CPA6: variants seen among roughly 807,000 people sequenced by gnomAD.
The protein encoded by CPA6 is carboxypeptidase A6.
A neutral mutation model predicts 63.3 loss-of-function variants in CPA6; 58 were observed. That is an observed-to-expected ratio of 0.92 (90% confidence interval 0.74 to 1.14). The LOEUF is 1.14. Ranked by LOEUF, CPA6 falls within the 50% of genes most tolerant of loss-of-function variation. CPA6 has a pLI of 0.00. For synonymous variants in CPA6, 185 were observed against 179.0 expected, an observed-to-expected ratio of 1.03 and a Z score of -0.27; for missense variants, 565 against 526.6, an observed-to-expected ratio of 1.07 and a Z score of -0.71.
chr8:67,600,311 T>C (rs79690365), intron 2 of CPA6, among the ~76,000 whole-genome samples: 2,323 of 151,238 alleles, frequency 0.015, 62 homozygotes, highest in African/African-American at 0.053. Context: ...TCTAAAAAAG[T>C]TGAATTCATA....
intron 10 of CPA6, among the ~76,000 whole-genome samples, chr8:67,423,821 C>T (rs1428635035): frequency 6.6e-6 from 1 of 152,180 alleles, no homozygotes; most frequent in African/African-American, 2.4e-5. Flanking sequence ...ATCAGGGGTC[C>T]CCAACCCCCA....
intron 8 of CPA6, among the ~76,000 whole-genome samples, chr8:67,441,797 G>A (rs1307590389): frequency 5.9e-5 from 9 of 152,034 alleles, no homozygotes; most frequent in Admixed American, 5.9e-4. Context: ...ACAAGACATG[G>A]TAAGGAAGAA....
intron 2 of CPA6, among the ~76,000 whole-genome samples, chr8:67,528,509 C>G (rs2128968494): frequency 6.6e-6 from 1 of 152,302 alleles, no homozygotes; most frequent in African/African-American, 2.4e-5. Context: ...CCCTAGGACT[C>G]AGATAAGACT....
At chr8:67,510,595 A>G (rs917859153) in intron 4 of CPA6, among the ~76,000 whole-genome samples, 2 of 152,214 alleles carry the variant, frequency 1.3e-5, no homozygotes, top group African/African-American at 4.8e-5. Flanking sequence ...GATAATTTTG[A>G]AAGGAGAGTT....
intron 6 of CPA6, among the ~76,000 whole-genome samples, chr8:67,485,627 C>T (rs1441861336): frequency 1.3e-5 from 2 of 152,052 alleles, no homozygotes; most frequent in Non-Finnish European, 2.9e-5. Flanking sequence ...ACAGTTAGAT[C>T]GAGTTTGGTA....
intron 8 of CPA6, among the ~76,000 whole-genome samples, chr8:67,447,810 A>G (rs528574817): frequency 4.6e-5 from 7 of 152,082 alleles, no homozygotes; most frequent in Admixed American, 1.3e-4. Flanking sequence ...TTTGAGACAG[A>G]GTCTTGCTCT....
intron 1 of CPA6, among the ~76,000 whole-genome samples, chr8:67,657,544 T>A (rs890359642): frequency 9.2e-5 from 14 of 152,300 alleles, no homozygotes; most frequent in African/African-American, 3.4e-4. Context: ...TTGCTAAGGG[T>A]AGGCTCTCTC....
At chr8:67,709,323 A>G (rs2129000047) in intron 1 of CPA6, among the ~76,000 whole-genome samples, 1 of 152,290 alleles carries the variant, frequency 6.6e-6, no homozygotes, top group South Asian at 2.1e-4. Flanking sequence ...TCTCAAATGT[A>G]CTTTACCTCA....
intron 1 of CPA6, among the ~76,000 whole-genome samples, chr8:67,664,229 T>A (rs1477909937): frequency 6.6e-6 from 1 of 152,190 alleles, no homozygotes; most frequent in East Asian, 1.9e-4. Context: ...GGTGAGAGAC[T>A]TTGATTCGAT....
chr8:67,583,730 G>C (rs530611763), intron 2 of CPA6, among the ~76,000 whole-genome samples: 1 of 152,090 alleles, frequency 6.6e-6, no homozygotes, highest in Non-Finnish European at 1.5e-5. Context: ...ATTGTTAGGC[G>C]CTTGAGTTAG....
chr8:67,488,813 C>T (rs1811542287), intron 6 of CPA6, among the ~76,000 whole-genome samples: 1 of 152,150 alleles, frequency 6.6e-6, no homozygotes, highest in Non-Finnish European at 1.5e-5. Flanking sequence ...CTCTTTGTAG[C>T]AATTGTGAAT....
At chr8:67,456,022 T>C (rs1810670546) in intron 8 of CPA6, among the ~76,000 whole-genome samples, 1 of 152,186 alleles carries the variant, frequency 6.6e-6, no homozygotes, top group African/African-American at 2.4e-5. Flanking sequence ...TGCTCAGCCC[T>C]AAGATTCTTT....
At chr8:67,455,059 A>T (rs1203772582) in intron 8 of CPA6, among the ~76,000 whole-genome samples, 1 of 152,194 alleles carries the variant, frequency 6.6e-6, no homozygotes, top group African/African-American at 2.4e-5. Flanking sequence ...AAAAAATACG[A>T]TTTTAATTAA....
At chr8:67,578,926 G>T (rs759082464) in intron 2 of CPA6, among the ~76,000 whole-genome samples, 5 of 152,102 alleles carry the variant, frequency 3.3e-5, no homozygotes, top group Non-Finnish European at 1.5e-5. Context: ...TCAGCCTGTA[G>T]TTTATCAAAT....
chr8:67,716,608 C>T (rs1205889466), intron 1 of CPA6, among the ~76,000 whole-genome samples: 1 of 152,120 alleles, frequency 6.6e-6, no homozygotes, highest in Non-Finnish European at 1.5e-5. Flanking sequence ...AGAAGAATGG[C>T]TTTGATTTCT....
intron 1 of CPA6, among the ~76,000 whole-genome samples, chr8:67,696,964 AC>A (rs767550394): frequency 3.3e-5 from 5 of 152,216 alleles, no homozygotes; most frequent in Non-Finnish European, 7.3e-5. Flanking sequence ...TGAACTGCAT[AC>A]TTGAGTGATT....
intron 2 of CPA6, among the ~76,000 whole-genome samples, chr8:67,622,417 A>T (rs1815103169): frequency 6.6e-6 from 1 of 152,202 alleles, no homozygotes; most frequent in Non-Finnish European, 1.5e-5. Flanking sequence ...CTAGAAGAAA[A>T]GGAGGTTTAG....
intron 2 of CPA6, among the ~76,000 whole-genome samples, chr8:67,611,527 C>A (rs10094690): frequency 1.3e-5 from 2 of 152,114 alleles, no homozygotes; most frequent in African/African-American, 4.8e-5. Flanking sequence ...AGGTGTTATT[C>A]CAGGTACCAA....
chr8:67,432,372 C>A (rs549705462), intron 9 of CPA6, among the ~76,000 whole-genome samples: 65 of 152,286 alleles, frequency 4.3e-4, no homozygotes, highest in African/African-American at 1.4e-3. Flanking sequence ...GAGGTTGATG[C>A]ACCCAGAGAA....
Sources: allele counts gnomAD v4.1 joint callset (sites outside exome capture counted in the v4.1 genomes callset), GRCh38; gene constraint gnomAD v4.1.1; transcripts MANE v1.5; gene names NCBI Gene and HGNC (gene_info 2026-07-23, HGNC 2026-07-21).